Variants in POU2F3 observed in about 807,000 individuals in gnomAD.
POU2F3 encodes the protein POU class 2 homeobox 3.
POU2F3 carries 23 observed loss-of-function variants against 59.2 expected under a neutral mutation model. That is an observed-to-expected ratio of 0.39 (90% CI 0.28 to 0.55). The LOEUF is 0.55. Among genes scored for constraint, POU2F3 ranks in the 20% least tolerant of loss-of-function variants. The probability of loss-of-function intolerance (pLI) is 0.66; values close to 1 mark genes in which losing one functional copy is unlikely to be tolerated. For missense variants in POU2F3, 473 were observed against 544.5 expected (o/e 0.87, Z 1.31); for synonymous variants, 190 against 214.6 (o/e 0.89, Z 1.00).
intron 10 of POU2F3, among the ~76,000 whole-genome samples, chr11:120,312,265 A>G (rs1941668014): frequency 6.6e-6 from 1 of 152,134 alleles, no homozygotes; most frequent in Non-Finnish European, 1.5e-5. Context: ...CTGGGATTAC[A>G]GGCACCCACC....
chr11:120,277,585 G>A (rs979297881), intron 3 of POU2F3, among the ~76,000 whole-genome samples: 1 of 152,028 alleles, frequency 6.6e-6, no homozygotes, highest in Admixed American at 6.6e-5. Context: ...AGACCAGCCT[G>A]GCCAACGTGG....
At chr11:120,267,479 C>T (rs1439173150) in intron 2 of POU2F3, among the ~76,000 whole-genome samples, 10 of 152,074 alleles carry the variant, frequency 6.6e-5, no homozygotes, top group Admixed American at 6.6e-4. Context: ...GATCATTTTG[C>T]ATCTCACCTC....
intron 10 of POU2F3, among the ~76,000 whole-genome samples, chr11:120,310,516 C>A (rs755383631): frequency 1.3e-5 from 2 of 152,040 alleles, no homozygotes; most frequent in Non-Finnish European, 2.9e-5. Context: ...GGGCTGGGAA[C>A]AATTTGAAGT....
intron 3 of POU2F3, among the ~76,000 whole-genome samples, chr11:120,282,705 T>A (rs11217787): frequency 0.37 from 56,611 of 152,062 alleles, 12,250 homozygotes; most frequent in East Asian, 0.86. Flanking sequence ...TTTTCAGAGA[T>A]CAAAGAATGA....
intron 3 of POU2F3, among the ~76,000 whole-genome samples, chr11:120,284,497 G>A (rs1324937764): frequency 6.6e-6 from 1 of 152,204 alleles, no homozygotes; most frequent in Non-Finnish European, 1.5e-5. Flanking sequence ...AGGCATCTCA[G>A]TGTTGGCTTG....
At chr11:120,246,694 CA>C (rs1456094643) in intron 2 of POU2F3, among the ~76,000 whole-genome samples, 177 bp downstream of exon 2, 5 of 152,140 alleles carry the variant, frequency 3.3e-5, no homozygotes, top group African/African-American at 9.7e-5. Context: ...AGCCTTTGAA[CA>C]GTAGATATTG....
rs12574374 is a variant in POU2F3 at position 120,248,686 on chromosome 11, G to A, written c.97+2169G>A. ...GGAGATCTTTCACTTCAGGGCTCCC[G>A]GCTGGTAGCATCAATACTTAGGTGA... On this transcript the variant is annotated intron_variant, in intron 2 of 12. Transcript: ENST00000543440. 0.055 allele frequency among the ~76,000 whole-genome samples: 8,402 copies of A among 152,208 alleles called. 1,143 individuals are homozygous for A. In the East Asian group the frequency reaches 0.61, roughly 11 times the overall value.
intron 11 of POU2F3, among the ~76,000 whole-genome samples, chr11:120,315,897 A>G (rs796814315): frequency 2.0e-4 from 23 of 117,548 alleles, no homozygotes; most frequent in African/African-American, 7.5e-4. Flanking sequence ...TTTGAGACAG[A>G]GTTTCACCCT....
intron 3 of POU2F3, among the ~76,000 whole-genome samples, chr11:120,296,897 T>C (rs1472784748): frequency 6.6e-6 from 1 of 152,202 alleles, no homozygotes; most frequent in East Asian, 1.9e-4. Context: ...TTATAAGGAA[T>C]TCTTTCTTTA....
intron 2 of POU2F3, among the ~76,000 whole-genome samples, chr11:120,249,001 G>A (rs1424598032): frequency 1.3e-5 from 2 of 152,210 alleles, no homozygotes; most frequent in Admixed American, 6.5e-5. Context: ...CCTGTGCTGC[G>A]TGAAATCCCC....
upstream of POU2F3, among the ~76,000 whole-genome samples, chr11:120,237,640 G>A (rs1323614151): frequency 6.6e-6 from 1 of 152,124 alleles, no homozygotes; most frequent in Non-Finnish European, 1.5e-5. Context: ...TGAGACCCTC[G>A]GTGCACATGG....
chr11:120,305,243 T>G (rs1941455159), intron 7 of POU2F3, 31 bp downstream of exon 7: 1 of 1,602,710 alleles, frequency 6.2e-7, no homozygotes, highest in Non-Finnish European at 8.5e-7. Flanking sequence ...ATAGAAGAAG[T>G]CTAGCCGAGC....
At chr11:120,299,559 G>T in intron 4 of POU2F3, 65 bp from the exon 5 acceptor site, 3 of 1,451,464 alleles carry the variant, frequency 2.1e-6, no homozygotes, top group Non-Finnish European at 2.9e-6. Context: ...ACGAGTGGCA[G>T]GCAGATGGGG....
chr11:120,246,790 G>A (rs1350524207), intron 2 of POU2F3, among the ~76,000 whole-genome samples: 1 of 152,222 alleles, frequency 6.6e-6, no homozygotes, highest in Non-Finnish European at 1.5e-5. Flanking sequence ...AAGTTCAGGA[G>A]CAGCTGTGTT....
chr11:120,312,412 C>T (rs934244475), intron 10 of POU2F3, among the ~76,000 whole-genome samples: 6 of 152,036 alleles, frequency 3.9e-5, no homozygotes, highest in South Asian at 2.1e-4. Flanking sequence ...CATGAGCCAC[C>T]GCACCCAGCC....
chr11:120,286,302 G>C (rs750674645), intron 3 of POU2F3, among the ~76,000 whole-genome samples: 37 of 152,218 alleles, frequency 2.4e-4, no homozygotes, highest in South Asian at 1.0e-3. Flanking sequence ...TTTGTGCCTT[G>C]TTGCCTTTAC....
chr11:120,257,742 C>T (rs17123747), intron 2 of POU2F3, among the ~76,000 whole-genome samples: 6,901 of 152,252 alleles, frequency 0.045, 195 homozygotes, highest in African/African-American at 0.074. Context: ...TCTGTAATTC[C>T]GGCCCTGCAG....
chr11:120,297,975 G>A (rs1277545263), intron 3 of POU2F3, among the ~76,000 whole-genome samples: 1 of 140,308 alleles, frequency 7.1e-6, no homozygotes, highest in South Asian at 2.3e-4. Flanking sequence ...ACGAAGTCTT[G>A]TTATGCTGCC....
chr11:120,246,421 A>G (rs1938875950), intron 1 of POU2F3, 28 bp from the exon 2 acceptor site: 2 of 1,612,256 alleles, frequency 1.2e-6, no homozygotes, highest in Non-Finnish European at 1.7e-6. Context: ...GTGACCTGTT[A>G]TTAAAATCAG....
Sources: allele counts gnomAD v4.1 joint callset (sites outside exome capture counted in the v4.1 genomes callset), GRCh38; gene constraint gnomAD v4.1.1; transcripts MANE v1.5; gene names NCBI Gene and HGNC (gene_info 2026-07-23, HGNC 2026-07-21).